The following CLDN20 variants were observed in gnomAD, a reference collection of about 807,000 sequenced individuals.
CLDN20 encodes the protein claudin-20.
For missense variants in CLDN20, 258 were observed against 267.9 expected (o/e 0.96, Z 0.26); for synonymous variants, 104 against 103.6 (o/e 1.00, Z -0.03).
At chr6:155,273,268 T>C (rs1425441643) in intron 1 of CLDN20, among the ~76,000 whole-genome samples, 1 of 152,236 alleles carries the variant, frequency 6.6e-6, no homozygotes, top group Non-Finnish European at 1.5e-5. Context: ...CACTGATGTC[T>C]ACAGATAAGT....
At position 155,269,324 on chromosome 6, in the gene CLDN20, C is replaced by CTTTTTTTTTTTTTTTTT. The variant is rs60162262; in HGVS notation, c.-105+5051_-105+5052insTTTTTTTTTTTTTTTTT. 1.6e-5 allele frequency among the ~76,000 whole-genome samples: 2 copies of CTTTTTTTTTTTTTTTTT among 127,270 alleles called. 1 individual carries two copies. The highest frequency in any genetic ancestry group is 3.2e-5 in the Non-Finnish European group (2 of 62,260). 83.5% of individuals were successfully genotyped at this position (127,270 alleles called of 152,430 possible). ...GCTTAGTTTTCTTTTCTTTTCTTTT[C>CTTTTTTTTTTTTTTTTT]TTTTTTTTTTTTTTTGAGATGGAGT... On this transcript the variant is annotated intron_variant, in intron 1 of 1. Transcript: ENST00000367165.
intron 1 of CLDN20, among the ~76,000 whole-genome samples, chr6:155,269,124 T>C (rs1304512613): frequency 6.6e-6 from 1 of 151,862 alleles, no homozygotes; most frequent in Non-Finnish European, 1.5e-5. Flanking sequence ...TTAATTTGTT[T>C]CCATAGCTTA....
At chr6:155,275,147 AC>A (rs1785118586) in intron 1 of CLDN20, among the ~76,000 whole-genome samples, 1 of 152,104 alleles carries the variant, frequency 6.6e-6, no homozygotes, top group African/African-American at 2.4e-5. Flanking sequence ...AATGGTGTGA[AC>A]CCAGGAGGTG....
At chr6:155,266,106 C>T (rs997044922) in intron 1 of CLDN20, among the ~76,000 whole-genome samples, 4 of 152,130 alleles carry the variant, frequency 2.6e-5, no homozygotes, top group Non-Finnish European at 5.9e-5. Context: ...TCTCCTTTGA[C>T]AACACCCTCA....
At chr6:155,271,603 T>C (rs1249597362) in intron 1 of CLDN20, among the ~76,000 whole-genome samples, 4 of 152,160 alleles carry the variant, frequency 2.6e-5, no homozygotes, top group Middle Eastern at 3.2e-3. Context: ...AAATTAACAA[T>C]TTTATGAATT....
intron 1 of CLDN20, among the ~76,000 whole-genome samples, chr6:155,271,420 C>T (rs1229776229): frequency 2.6e-5 from 4 of 152,150 alleles, no homozygotes; most frequent in Admixed American, 6.5e-5. Context: ...TATAGTTATA[C>T]TCCACAAATC....
At chr6:155,274,877 CTTAAT>C (rs1359726335) in intron 1 of CLDN20, among the ~76,000 whole-genome samples, 2 of 152,194 alleles carry the variant, frequency 1.3e-5, no homozygotes, top group African/African-American at 4.8e-5. Flanking sequence ...AAAAGGTGGC[CTTAAT>C]TTATTTTCTT....
At chr6:155,267,555 G>C (rs1310435669) in intron 1 of CLDN20, among the ~76,000 whole-genome samples, 1 of 152,242 alleles carries the variant, frequency 6.6e-6, no homozygotes, top group Non-Finnish European at 1.5e-5. Flanking sequence ...TGATTGGTGA[G>C]TGACGACAGC....
chr6:155,275,905 C>T lies in CLDN20; in HGVS notation c.186C>T (p.Phe62=). ...GTACGTGGTACAGCACTGGGATGTT[C>T]AGCTGTGCCCTGAAACACTCCATTC... is the stretch of plus-strand genomic sequence containing the variant. ...MDCTWYSTGM[F]SCALKHSILS... is the part of the protein sequence containing the mutation. The change falls in exon 2 of 2, where the codon TTC becomes TTT. Residue 62 remains phenylalanine, a synonymous_variant. Transcript: ENST00000367165. 1.2e-6 allele frequency: 2 copies of T among 1,614,150 alleles called. No individual in the cohort carries two copies. The highest frequency in any genetic ancestry group is 1.7e-6 in the Non-Finnish European group (2 of 1,180,022).
At chr6:155,268,575 G>A (rs1784767373) in intron 1 of CLDN20, among the ~76,000 whole-genome samples, 1 of 152,152 alleles carries the variant, frequency 6.6e-6, no homozygotes, top group South Asian at 2.1e-4. Context: ...ACATCACTAA[G>A]CAACACCACA....
At chr6:155,264,836 G>C (rs1373200909) in intron 1 of CLDN20, among the ~76,000 whole-genome samples, 1 of 152,114 alleles carries the variant, frequency 6.6e-6, no homozygotes, top group Non-Finnish European at 1.5e-5. Flanking sequence ...ATGTACATAT[G>C]TATGTATGTA....
chr6:155,264,700 T>G (rs1281127632), intron 1 of CLDN20, among the ~76,000 whole-genome samples: 1 of 152,192 alleles, frequency 6.6e-6, no homozygotes, highest in African/African-American at 2.4e-5. Flanking sequence ...GTGTTTCCTC[T>G]CAGAGCAGAT....
chr6:155,275,778 G>T lies in CLDN20; in HGVS notation c.59G>T (p.Gly20Val). 6.2e-7 allele frequency: 1 copy of T among 1,614,080 alleles called. No homozygotes were observed. The highest frequency in any genetic ancestry group is 8.5e-7 in the Non-Finnish European group (1 of 1,180,022). ...AFILALSGVS[G>V]VLTATLLPNW... Reference sequence around the variant, plus strand: ...ATCCTGGCCTTATCTGGGGTCTCTGGAGTGCTCACAGCCACTCTGCTGCCC... The same window carrying T: ...ATCCTGGCCTTATCTGGGGTCTCTGTAGTGCTCACAGCCACTCTGCTGCCC... The change falls in exon 2 of 2, where the codon GGA becomes GTA. Residue 20 changes from glycine to valine, a missense_variant. Transcript: ENST00000367165.
At chr6:155,274,196 A>G (rs916998188) in intron 1 of CLDN20, among the ~76,000 whole-genome samples, 1 of 152,254 alleles carries the variant, frequency 6.6e-6, no homozygotes, top group African/African-American at 2.4e-5. Context: ...GAATCACGAC[A>G]GAGCCACTTT....
intron 1 of CLDN20, among the ~76,000 whole-genome samples, chr6:155,274,456 C>CTT (rs1188016608): frequency 6.6e-6 from 1 of 152,174 alleles, no homozygotes; most frequent in Non-Finnish European, 1.5e-5. Context: ...TTCTGGTATC[C>CTT]TTTCACATAC....
intron 1 of CLDN20, among the ~76,000 whole-genome samples, chr6:155,268,659 G>GT (rs1259053122): frequency 1.3e-5 from 2 of 151,924 alleles, no homozygotes; most frequent in African/African-American, 4.8e-5. Context: ...CCCCAACCCG[G>GT]TGCTCTCTGA....
Position 155,275,648 on chromosome 6 carries a change from T to C in CLDN20, c.-72T>C. ...TATTTGGTTCTCTACTGCACAGAAA[T>C]AGATAGAATTCTGACAGCCATCATT... On this transcript the variant is annotated 5_prime_UTR_variant, in exon 2 of 2. Coordinates refer to ENST00000367165, the MANE Select transcript of CLDN20 (RefSeq NM_001001346.3). 1 of 1,430,150 alleles carries C rather than the reference T, an allele frequency of 7.0e-7. No individual in the cohort carries two copies. The highest frequency in any genetic ancestry group is 9.6e-7 in the Non-Finnish European group (1 of 1,040,640). 88.6% of individuals were successfully genotyped at this position (1,430,150 alleles called of 1,614,324 possible). A position where few individuals can be genotyped will look rare whatever the true frequency, so the allele number is the denominator to read the frequency against.
intron 1 of CLDN20, among the ~76,000 whole-genome samples, chr6:155,267,921 TCTA>T (rs1454334990): frequency 6.6e-6 from 1 of 152,230 alleles, no homozygotes; most frequent in Non-Finnish European, 1.5e-5. Flanking sequence ...TATAGTTTAG[TCTA>T]CTGTTAGATT....
chr6:155,276,481 T>A lies in CLDN20; in HGVS notation c.*102T>A. The A allele has an allele frequency of 9.2e-7, 1 of 1,089,788 alleles. No individual in the cohort carries two copies. The highest frequency in any genetic ancestry group is 1.3e-6 in the Non-Finnish European group (1 of 764,880). 67.5% of individuals were successfully genotyped at this position (1,089,788 alleles called of 1,614,324 possible). ...TGCTTAACTTTCCCTACAAAGAAAG[T>A]AGAATGTAAAATACTTTAACAACTA... On this transcript the variant is annotated 3_prime_UTR_variant, in exon 2 of 2. Coordinates refer to ENST00000367165, the MANE Select transcript of CLDN20 (RefSeq NM_001001346.3).
Sources: allele counts gnomAD v4.1 joint callset (sites outside exome capture counted in the v4.1 genomes callset), GRCh38; gene constraint gnomAD v4.1.1; transcripts MANE v1.5; gene names NCBI Gene and HGNC (gene_info 2026-07-23, HGNC 2026-07-21).